The following AKAP1 variants were observed in gnomAD, a reference collection of about 807,000 sequenced individuals.
AKAP1 encodes A-kinase anchor protein 1, mitochondrial.
Under a neutral mutation model 79.8 loss-of-function variants are expected in AKAP1, and 32 were observed. The ratio of observed to expected loss-of-function variants is 0.40; its 90% CI spans 0.30 to 0.54. The LOEUF (loss-of-function observed/expected upper bound fraction) is 0.54, where lower values mean the gene tolerates loss of function less well. Ranked by LOEUF, AKAP1 falls within the 20% of genes least tolerant of loss-of-function variation. The probability of loss-of-function intolerance (pLI) is 0.47; values close to 1 mark genes in which losing one functional copy is unlikely to be tolerated. For missense variants in AKAP1, 961 were observed against 1,138.9 expected (o/e 0.84, Z 2.25); for synonymous variants, 416 against 466.7 (o/e 0.89, Z 1.40).
At chr17:57,119,779 A>G (rs1915803369) in intron 10 of AKAP1, among the ~76,000 whole-genome samples, 1 of 149,492 alleles carries the variant, frequency 6.7e-6, no homozygotes, top group African/African-American at 2.5e-5. Context: ...GAATACTTAA[A>G]TAAATGTTCC....
At chr17:57,112,397 C>T in intron 4 of AKAP1, 94 bp from the exon 5 acceptor site, 1 of 1,468,690 alleles carries the variant, frequency 6.8e-7, no homozygotes, top group Non-Finnish European at 9.3e-7. Context: ...TATGCAAAGT[C>T]CAGTGGAGTG....
intron 2 of AKAP1, chr17:57,107,991 G>A (rs1404420302): frequency 8.5e-6 from 11 of 1,288,892 alleles, no homozygotes; most frequent in Non-Finnish European, 1.1e-5. Flanking sequence ...ATAACGAGGT[G>A]TCCTGGGTTT....
chr17:57,109,666 G>C (rs1915112968), intron 2 of AKAP1, among the ~76,000 whole-genome samples: 1 of 152,186 alleles, frequency 6.6e-6, no homozygotes, highest in Non-Finnish European at 1.5e-5. Flanking sequence ...TCAGGACCAT[G>C]TGGACCTCAA....
chr17:57,092,436 G>A (rs1340461946), intron 1 of AKAP1: 1 of 152,278 alleles, frequency 6.6e-6, no homozygotes, highest in African/African-American at 2.4e-5. Context: ...GGCTGTGTGT[G>A]TCCGCCTCCT....
In AKAP1 at chr17:57,100,255, A is replaced by G. The variant is rs559713372; in HGVS notation, c.-24-5186A>G. Among the ~76,000 whole-genome samples, 21 of 152,244 alleles carry G rather than the reference A, an allele frequency of 1.4e-4. No homozygotes were observed. The East Asian group carries it at 3.3e-3, about 24-fold the overall frequency. The stretch of plus-strand genomic sequence containing the variant: ...GAGTCACAGCTATAAATCTGGGTGA[A>G]ATGGGATTGCCTAGTTAATAAGGAA... On this transcript the variant is annotated intron_variant, in intron 1 of 10. Coordinates refer to ENST00000337714, the MANE Select transcript of AKAP1 (RefSeq NM_003488.4).
chr17:57,107,821 A>G lies in AKAP1; in HGVS notation c.1714+643A>G, dbSNP rs999177013. Reference sequence around the variant, plus strand: ...ATGTCTTCACCTGCTTTCCTTCTCCAGAAGCTCTTACAGGGTAAGTGCCCA... The same window carrying G: ...ATGTCTTCACCTGCTTTCCTTCTCCGGAAGCTCTTACAGGGTAAGTGCCCA... On this transcript the variant is annotated intron_variant, in intron 2 of 10. Coordinates refer to ENST00000337714, the MANE Select transcript of AKAP1 (RefSeq NM_003488.4). The G allele has an allele frequency of 2.1e-5, 10 of 479,420 alleles. No homozygotes were observed. In the Admixed American group the frequency reaches 2.8e-4, roughly 14 times the overall value. 29.7% of individuals were successfully genotyped at this position (479,420 alleles called of 1,614,324 possible).
chr17:57,115,480 G>A (rs1418909001), intron 6 of AKAP1, among the ~76,000 whole-genome samples: 6 of 152,214 alleles, frequency 3.9e-5, no homozygotes, highest in African/African-American at 7.2e-5. Context: ...CCTGGCCAGC[G>A]TGGGCAGCTG....
intron 1 of AKAP1, among the ~76,000 whole-genome samples, chr17:57,103,200 G>A (rs1914635669): frequency 6.6e-6 from 1 of 152,248 alleles, no homozygotes; most frequent in African/African-American, 2.4e-5. Flanking sequence ...TGCTTCAAAT[G>A]CTATCATTGC....
intron 2 of AKAP1, chr17:57,107,961 C>CG: frequency 6.2e-6 from 8 of 1,289,618 alleles, no homozygotes; most frequent in Non-Finnish European, 8.1e-6. Flanking sequence ...GCTCCACCCC[C>CG]GGGAAAGCGG....
chr17:57,092,645 A>G (rs888109664), intron 1 of AKAP1: 1 of 152,176 alleles, frequency 6.6e-6, no homozygotes, highest in Non-Finnish European at 1.5e-5. Context: ...CTGTCATGCT[A>G]CCAGCCACAG....
chr17:57,088,701 T>G (rs1210647512), intron 1 of AKAP1, among the ~76,000 whole-genome samples: 1 of 152,256 alleles, frequency 6.6e-6, no homozygotes, highest in Non-Finnish European at 1.5e-5. Flanking sequence ...GTGTTATCAT[T>G]CAGCATTCTG....
chr17:57,105,327 G>A (rs1286955514), intron 1 of AKAP1, 114 bp from the exon 2 acceptor site: 1 of 1,003,760 alleles, frequency 1.0e-6, no homozygotes, highest in African/African-American at 1.6e-5. Context: ...GGGCAGGGAA[G>A]GCGGAGGAGA....
chr17:57,119,120 T>C (rs564709162), intron 10 of AKAP1, 76 bp downstream of exon 10: 1 of 1,492,086 alleles, frequency 6.7e-7, no homozygotes, highest in South Asian at 1.1e-5. Flanking sequence ...TCCTGGGATT[T>C]GTTTCCTCTT....
chr17:57,118,638 A>T (rs1404987983), intron 9 of AKAP1, among the ~76,000 whole-genome samples, 184 bp downstream of exon 9: 1 of 152,210 alleles, frequency 6.6e-6, no homozygotes, highest in African/African-American at 2.4e-5. Flanking sequence ...CCTGGGACTG[A>T]ATAATCTATA....
intron 1 of AKAP1, among the ~76,000 whole-genome samples, chr17:57,101,097 C>T (rs942589729): frequency 1.3e-5 from 2 of 152,186 alleles, no homozygotes; most frequent in Non-Finnish European, 2.9e-5. Flanking sequence ...GGAGACTTCC[C>T]TGTCTTTACT....
Position 57,106,550 on chromosome 17 carries a change from G to A in AKAP1, c.1086G>A (p.Gln362=). 6.2e-7 allele frequency: 1 copy of A among 1,614,226 alleles called. No homozygotes were observed. Among genetic ancestry groups the A allele is most frequent in the Non-Finnish European group, 8.5e-7 (1 of 1,180,036 alleles). ...AAGTGATCTCAGAAGCAACCGAACAGGTGCTGGCCACCACGGTTGGCAAGG... is the reference window on the plus strand; with the variant it reads ...AAGTGATCTCAGAAGCAACCGAACAAGTGCTGGCCACCACGGTTGGCAAGG... The part of the protein sequence containing the change: ...ISQVISEATE[Q]VLATTVGKVA... The change falls in exon 2 of 11, where the codon CAG becomes CAA. Residue 362 remains glutamine, a synonymous_variant. Coordinates refer to ENST00000337714, the MANE Select transcript of AKAP1 (RefSeq NM_003488.4).
chr17:57,109,746 TTG>T (rs1258493915), intron 2 of AKAP1, among the ~76,000 whole-genome samples: 1 of 152,170 alleles, frequency 6.6e-6, no homozygotes, highest in East Asian at 1.9e-4. Context: ...AGTTCACCAC[TTG>T]TGTCTCTGCT....
intron 8 of AKAP1, 25 bp from the exon 9 acceptor site, chr17:57,118,356 G>A (rs1167783306): frequency 2.5e-6 from 4 of 1,612,888 alleles, no homozygotes; most frequent in Non-Finnish European, 3.4e-6. Context: ...GAGCCTAAAT[G>A]CCGCTTTTCC....
chr17:57,110,296 A>T, intron 3 of AKAP1, 138 bp downstream of exon 3: 1 of 1,204,210 alleles, frequency 8.3e-7, no homozygotes, highest in Non-Finnish European at 1.1e-6. Context: ...CAAAGGCCGC[A>T]GGGAAAGGAC....
Sources: allele counts gnomAD v4.1 joint callset (sites outside exome capture counted in the v4.1 genomes callset), GRCh38; gene constraint gnomAD v4.1.1; transcripts MANE v1.5; gene names NCBI Gene and HGNC (gene_info 2026-07-23, HGNC 2026-07-21).